HPN: variants seen among roughly 807,000 people sequenced by gnomAD.
HPN encodes the protein hepsin.
HPN carries 13 observed loss-of-function variants against 55.9 expected under a neutral mutation model. The observed-to-expected ratio is 0.23, with a 90% CI of 0.15 to 0.37. The LOEUF (loss-of-function observed/expected upper bound fraction) is 0.37, where lower values mean the gene tolerates loss of function less well. Ranked by LOEUF, HPN falls within the 10% of genes least tolerant of loss-of-function variation. HPN has a pLI of 1.00. For synonymous variants in HPN, 225 were observed against 240.3 expected (o/e 0.94, Z 0.59); for missense variants, 451 against 575.8 (o/e 0.78, Z 2.22).
chr19:35,061,281 A>G (rs551287100), intron 9 of HPN, among the ~76,000 whole-genome samples: 1 of 151,844 alleles, frequency 6.6e-6, no homozygotes, highest in Admixed American at 6.6e-5. Flanking sequence ...GTGGATCACG[A>G]GGTCAGGAGT....
chr19:35,059,867 C>G lies in HPN; in HGVS notation c.291-7C>G. 2 of 1,498,666 alleles carry G rather than the reference C, an allele frequency of 1.3e-6. No individual in the cohort carries two copies. Among genetic ancestry groups the G allele is most frequent in the Non-Finnish European group, 1.8e-6 (2 of 1,123,286 alleles). The allele number at this position is 1,498,666 out of a possible 1,614,324, so 92.8% of individuals were successfully genotyped here. On this transcript the variant is annotated splice_region_variant and splice_polypyrimidine_tract_variant and intron_variant, in intron 5 of 12. Coordinates refer to ENST00000672452, the MANE Select transcript of HPN (RefSeq NM_001384133.1). ...TGGGGAGCAGGCCTAACCCCTGCCC[C>G]GCCCAGGGCACTGACCCACTCCGAG...
chr19:35,042,130 TG>T, intron 1 of HPN: 2 of 1,122,360 alleles, frequency 1.8e-6, no homozygotes, highest in Non-Finnish European at 2.2e-6. Flanking sequence ...TAGGGAGTCC[TG>T]GCCCCCAAAT....
intron 2 of HPN, among the ~76,000 whole-genome samples, chr19:35,047,021 G>C (rs537069060): frequency 1.3e-5 from 2 of 152,146 alleles, no homozygotes; most frequent in East Asian, 3.9e-4. Context: ...GTAGAGACGG[G>C]GTTTCACCGT....
chr19:35,058,658 A>G (rs2064486855), intron 4 of HPN, among the ~76,000 whole-genome samples: 1 of 148,814 alleles, frequency 6.7e-6, no homozygotes, highest in African/African-American at 2.4e-5. Flanking sequence ...TAATAATAAT[A>G]CTACTCCATA....
At chr19:35,060,908 CT>C in intron 9 of HPN, 91 bp downstream of exon 9, 1 of 1,081,574 alleles carries the variant, frequency 9.2e-7, no homozygotes, top group Non-Finnish European at 1.3e-6. Context: ...CAACTTATGG[CT>C]CAGGCATCCT....
At chr19:35,042,609 C>T (rs573471397) in intron 2 of HPN, 87 bp downstream of exon 2, 18 of 1,152,476 alleles carry the variant, frequency 1.6e-5, no homozygotes, top group African/African-American at 6.2e-5. Context: ...CTCTTCGGAG[C>T]CCCCTCTCTC....
intron 4 of HPN, among the ~76,000 whole-genome samples, chr19:35,051,066 G>A (rs2064400683): frequency 6.6e-6 from 1 of 150,748 alleles, no homozygotes. Flanking sequence ...ATAGGCTAAT[G>A]CCACCATGCC....
At position 35,060,145 on chromosome 19, in the gene HPN, C is replaced by T. The variant is rs2064511206; in HGVS notation, c.430C>T (p.Arg144Cys). The stretch of plus-strand genomic sequence containing the variant: ...CTCTCCCAGTGATTGCCCCAGAGGC[C>T]GTTTCTTGGCCGCCATCTGCCAAGG... ...VISVCDCPRG[R>C]FLAAICQDCG... is the part of the protein sequence containing the mutation. The change falls in exon 7 of 13, where the codon CGT becomes TGT. Residue 144 changes from arginine (R) to cysteine (C), a missense_variant. By Grantham distance (180) the Arg-to-Cys change is radical. This residue lies in a region of HPN where 378 missense variants were observed against 445.5 expected (regional missense o/e 0.85). Transcript: ENST00000672452. The T allele has an allele frequency of 1.9e-6, 3 of 1,614,158 alleles. No homozygotes were observed. Among genetic ancestry groups the T allele is most frequent in the South Asian group, 1.1e-5 (1 of 91,092 alleles).
intron 4 of HPN, among the ~76,000 whole-genome samples, chr19:35,054,064 C>T (rs934615432): frequency 6.6e-6 from 1 of 152,176 alleles, no homozygotes; most frequent in Non-Finnish European, 1.5e-5. Context: ...TAGCCGTGTG[C>T]CTCTGGGCAA....
chr19:35,057,235 G>A (rs112283046), intron 4 of HPN, among the ~76,000 whole-genome samples: 11,445 of 152,036 alleles, frequency 0.075, 447 homozygotes, highest in Middle Eastern at 0.099. Flanking sequence ...GACCAGCCTG[G>A]CCAACATGGT....
chr19:35,050,158 T>C (rs1479150562), intron 4 of HPN, among the ~76,000 whole-genome samples: 1 of 152,230 alleles, frequency 6.6e-6, no homozygotes, highest in Non-Finnish European at 1.5e-5. Context: ...AGTCTTGCTC[T>C]GTCACCCAGG....
In HPN at chr19:35,065,926, GGC is replaced by G; in HGVS notation, c.1110_1111del (p.Leu371ValfsTer24). ...AGCATCTCTCGGACGCCACGTTGGCGGCTGTGTGGCATTGTGAGTTGGGGCAC... is the reference window on the plus strand; with the variant it reads ...AGCATCTCTCGGACGCCACGTTGGCGTGTGTGGCATTGTGAGTTGGGGCAC... On this transcript the variant is annotated frameshift_variant, in exon 12 of 13. Transcript: ENST00000672452. LOFTEE classifies it high-confidence loss of function. 2 of 1,614,102 alleles carry G rather than the reference GGC, an allele frequency of 1.2e-6. No individual in the cohort carries two copies. Among genetic ancestry groups the G allele is most frequent in the Non-Finnish European group, 1.7e-6 (2 of 1,180,050 alleles).
rs746784468 is a variant in HPN at position 35,041,887 on chromosome 19, C to T, written c.-55+15C>T. On this transcript the variant is annotated intron_variant, in intron 1 of 12. Coordinates refer to ENST00000672452, the MANE Select transcript of HPN (RefSeq NM_001384133.1). ...TGGACCCCAGGGTAAGGACAAGGGC[C>T]CCCAGACTCACAGTTCCAGCCCTGA... is the stretch of plus-strand genomic sequence containing the variant. 2 of 1,333,152 alleles carry T rather than the reference C, an allele frequency of 1.5e-6. No individual in the cohort carries two copies. Among genetic ancestry groups the T allele is most frequent in the Admixed American group, 4.1e-5 (2 of 49,160 alleles). 82.6% of individuals were successfully genotyped at this position (1,333,152 alleles called of 1,614,324 possible).
At chr19:35,054,756 G>A (rs2064438675) in intron 4 of HPN, among the ~76,000 whole-genome samples, 1 of 152,170 alleles carries the variant, frequency 6.6e-6, no homozygotes, top group Admixed American at 6.5e-5. Context: ...GATCTTCGTG[G>A]CTCCTGGGGT....
At chr19:35,056,282 A>C (rs1188225919) in intron 4 of HPN, among the ~76,000 whole-genome samples, 1 of 151,988 alleles carries the variant, frequency 6.6e-6, no homozygotes, top group African/African-American at 2.4e-5. Context: ...TGTGACACAT[A>C]ATATATCCTA....
chr19:35,041,832 G>A lies in HPN; in HGVS notation c.-95G>A. On this transcript the variant is annotated 5_prime_UTR_variant, in exon 1 of 13. Coordinates refer to ENST00000672452, the MANE Select transcript of HPN (RefSeq NM_001384133.1). ...AGGCCTGGAGACTGACCCGACCCCG[G>A]CACTACCTCGAGGCTCCGCCCCCAC... 1 of 1,342,354 alleles carries A rather than the reference G, an allele frequency of 7.4e-7. No individual in the cohort carries two copies. The allele number at this position is 1,342,354 out of a possible 1,614,324, so 83.2% of individuals were successfully genotyped here. A position where few individuals can be genotyped will look rare whatever the true frequency, so the allele number is the denominator to read the frequency against.
chr19:35,042,095 C>T, intron 1 of HPN: 1 of 1,108,304 alleles, frequency 9.0e-7, no homozygotes, highest in Non-Finnish European at 1.1e-6. Flanking sequence ...GGAGTTCCAG[C>T]CCTCAGGCCC....
At chr19:35,047,285 A>C (rs1390679179) in intron 2 of HPN, among the ~76,000 whole-genome samples, 2 of 152,196 alleles carry the variant, frequency 1.3e-5, no homozygotes, top group African/African-American at 4.8e-5. Context: ...AGCCTCTGAC[A>C]TAAGAGAGCC....
intron 2 of HPN, among the ~76,000 whole-genome samples, chr19:35,043,554 G>A (rs539067467): frequency 4.3e-4 from 65 of 152,276 alleles, no homozygotes; most frequent in African/African-American, 1.5e-3. Context: ...CAACAGCGTG[G>A]GGCGAGGCCT....
Sources: gnomAD v4.1 joint callset for allele counts (sites outside exome capture counted in the v4.1 genomes callset) on GRCh38, gnomAD v4.1.1 for gene constraint, gnomAD v4.1.1 regional missense constraint, MANE v1.5 for transcripts, NCBI Gene and HGNC (gene_info 2026-07-23, HGNC 2026-07-21) for gene names.